DLGAP1: variants seen among roughly 807,000 people sequenced by gnomAD.
DLGAP1 encodes the protein DLG associated protein 1, also known as disks large-associated protein 1.
Under a neutral mutation model 90.8 loss-of-function variants are expected in DLGAP1, and 11 were observed. That is an observed-to-expected ratio of 0.12 (90% confidence interval 0.08 to 0.20). The LOEUF (loss-of-function observed/expected upper bound fraction) is 0.20, where lower values mean the gene tolerates loss of function less well. Ranked by LOEUF, DLGAP1 falls within the 10% of genes least tolerant of loss-of-function variation. The pLI is 1.00. For synonymous variants in DLGAP1, 558 were observed against 540.7 expected (o/e 1.03, Z -0.44); for missense variants, 1,050 against 1,333.8 (o/e 0.79, Z 3.31).
chr18:3,832,208 T>TCA (rs1320984585), intron 4 of DLGAP1, among the ~76,000 whole-genome samples: 5 of 152,370 alleles, frequency 3.3e-5, no homozygotes, highest in African/African-American at 1.2e-4. Context: ...CCTCTCTCTG[T>TCA]CACACACACA....
chr18:4,186,544 A>G (rs2077298808), intron 1 of DLGAP1, among the ~76,000 whole-genome samples: 1 of 152,000 alleles, frequency 6.6e-6, no homozygotes, highest in Admixed American at 6.6e-5. Flanking sequence ...TCTTTTCCCC[A>G]TTGTTTGTTT....
chr18:4,216,719 T>G (rs1001457351), intron 1 of DLGAP1, among the ~76,000 whole-genome samples: 4 of 152,106 alleles, frequency 2.6e-5, no homozygotes, highest in Non-Finnish European at 5.9e-5. Context: ...ACTTTTAAAT[T>G]GGTAGACCTT....
At chr18:3,683,285 A>G (rs1011725162) in intron 7 of DLGAP1, among the ~76,000 whole-genome samples, 1 of 152,192 alleles carries the variant, frequency 6.6e-6, no homozygotes, top group Non-Finnish European at 1.5e-5. Flanking sequence ...CATCAAGAGA[A>G]CACATCAAGA....
chr18:3,594,967 G>A (rs1185305468), intron 7 of DLGAP1, among the ~76,000 whole-genome samples: 1 of 152,196 alleles, frequency 6.6e-6, no homozygotes, highest in African/African-American at 2.4e-5. Context: ...TTTCCAGACT[G>A]CAGGCCCAGC....
At chr18:3,793,655 C>T (rs895999226) in intron 5 of DLGAP1, among the ~76,000 whole-genome samples, 2 of 152,174 alleles carry the variant, frequency 1.3e-5, no homozygotes, top group African/African-American at 2.4e-5. Context: ...CTTCTTGAGC[C>T]TAGCTCTCTC....
chr18:3,498,038 G>A lies in DLGAP1; in HGVS notation c.*1147C>T, dbSNP rs2049751114. ...TTACTGGACTCTGCAGTAGTGAGAG[G>A]AGATGAAAGGAGAAAATATATCTGA... On this transcript the variant is annotated 3_prime_UTR_variant, in exon 13 of 13. Transcript: ENST00000315677. The A allele has an allele frequency of 6.6e-6, 1 of 152,208 alleles. No homozygotes were observed. 9.4% of individuals were successfully genotyped at this position (152,208 alleles called of 1,614,324 possible). A position where few individuals can be genotyped will look rare whatever the true frequency, so the allele number is the denominator to read the frequency against.
chr18:4,291,287 A>G (rs1197643030), intron 1 of DLGAP1, among the ~76,000 whole-genome samples: 1 of 152,192 alleles, frequency 6.6e-6, no homozygotes. Context: ...GTACAGGGCT[A>G]CTGGCATTTC....
intron 1 of DLGAP1, among the ~76,000 whole-genome samples, chr18:4,258,446 C>T (rs1311022097): frequency 2.0e-5 from 3 of 151,896 alleles, no homozygotes; most frequent in Non-Finnish European, 2.9e-5. Context: ...TCGGGAGTCA[C>T]GTTTTGTTTT....
At chr18:4,082,248 AGG>A in intron 2 of DLGAP1, among the ~76,000 whole-genome samples, 1 of 150,842 alleles carries the variant, frequency 6.6e-6, no homozygotes, top group Non-Finnish European at 1.5e-5. Context: ...AGGCTGAGGC[AGG>A]AGAATTCCTT....
chr18:4,361,703 T>C (rs35872297), intron 1 of DLGAP1, among the ~76,000 whole-genome samples: 22 of 152,190 alleles, frequency 1.4e-4, no homozygotes, highest in African/African-American at 4.8e-4. Flanking sequence ...ATTTTTTTGA[T>C]TAACACAAAA....
intron 7 of DLGAP1, among the ~76,000 whole-genome samples, chr18:3,667,695 GA>G (rs1347333861): frequency 1.3e-5 from 2 of 152,160 alleles, no homozygotes. Context: ...AGGTCGGTGT[GA>G]CTGGACCTCT....
chr18:3,909,419 C>A (rs961506626), intron 3 of DLGAP1, among the ~76,000 whole-genome samples: 4 of 152,158 alleles, frequency 2.6e-5, no homozygotes, highest in Admixed American at 6.5e-5. Flanking sequence ...TATTGTGAAC[C>A]ATTAACTGCA....
chr18:3,573,330 C>T (rs748277140), intron 8 of DLGAP1, among the ~76,000 whole-genome samples: 35 of 152,170 alleles, frequency 2.3e-4, no homozygotes, highest in African/African-American at 4.8e-4. Flanking sequence ...GGTGAAACCC[C>T]GTCTCTACTA....
intron 4 of DLGAP1, chr18:3,874,385 A>G (rs1021825627): frequency 2.7e-6 from 4 of 1,466,678 alleles, no homozygotes; most frequent in African/African-American, 1.4e-5. Context: ...TGCAAAATAC[A>G]CTGTTTGAAG....
At chr18:4,206,554 C>T (rs2077724792) in intron 1 of DLGAP1, among the ~76,000 whole-genome samples, 1 of 152,148 alleles carries the variant, frequency 6.6e-6, no homozygotes, top group Non-Finnish European at 1.5e-5. Flanking sequence ...CCGTGTCTTC[C>T]AGTCTTTACA....
At chr18:3,723,596 T>C (rs570684713) in intron 7 of DLGAP1, among the ~76,000 whole-genome samples, 2 of 152,100 alleles carry the variant, frequency 1.3e-5, no homozygotes, top group South Asian at 4.2e-4. Context: ...TGTGTGGGAT[T>C]GGAGTGTGGA....
intron 2 of DLGAP1, among the ~76,000 whole-genome samples, chr18:4,109,328 A>T (rs1487494784): frequency 6.6e-6 from 1 of 152,058 alleles, no homozygotes; most frequent in Non-Finnish European, 1.5e-5. Flanking sequence ...CATTTAACAT[A>T]ACATAATTAA....
intron 1 of DLGAP1, among the ~76,000 whole-genome samples, chr18:4,305,665 T>C (rs1474431310): frequency 6.6e-6 from 1 of 152,164 alleles, no homozygotes. Flanking sequence ...ACTATTGTTA[T>C]TTCACCTTTA....
chr18:4,374,674 T>C (rs1022234808), intron 1 of DLGAP1, among the ~76,000 whole-genome samples: 1 of 152,140 alleles, frequency 6.6e-6, no homozygotes, highest in Non-Finnish European at 1.5e-5. Flanking sequence ...TGTTCACCAG[T>C]AAAAAGGTAA....
Sources: allele counts gnomAD v4.1 joint callset (sites outside exome capture counted in the v4.1 genomes callset), GRCh38; gene constraint gnomAD v4.1.1; transcripts MANE v1.5; gene names NCBI Gene and HGNC (gene_info 2026-07-23, HGNC 2026-07-21).